The following ALK variants were observed in gnomAD, a reference collection of about 807,000 sequenced individuals.
The protein encoded by ALK is ALK receptor tyrosine kinase.
ALK carries 74 observed loss-of-function variants against 163.1 expected under a neutral mutation model. That is an observed-to-expected ratio of 0.45 (90% CI 0.38 to 0.55). The LOEUF is 0.55. ALK is among the 20% of genes least tolerant of loss of function. The probability of loss-of-function intolerance (pLI) is 0.00; values close to 1 mark genes in which losing one functional copy is unlikely to be tolerated. For synonymous variants in ALK, 960 were observed against 843.2 expected (o/e 1.14, Z -2.40); for missense variants, 2,063 against 2,105.3 (o/e 0.98, Z 0.39).
intron 4 of ALK, among the ~76,000 whole-genome samples, chr2:29,476,172 T>C (rs576740286): frequency 6.6e-6 from 1 of 152,284 alleles, no homozygotes; most frequent in African/African-American, 2.4e-5. Flanking sequence ...ACCCAGCCTT[T>C]AGCTGCCAAC....
chr2:29,489,162 T>C (rs1297981494), intron 4 of ALK, among the ~76,000 whole-genome samples: 2 of 152,236 alleles, frequency 1.3e-5, no homozygotes, highest in African/African-American at 4.8e-5. Context: ...TATGCATTTC[T>C]TAAAACAAGG....
chr2:29,728,278 G>T (rs771904402), intron 1 of ALK, among the ~76,000 whole-genome samples: 39 of 152,232 alleles, frequency 2.6e-4, no homozygotes, highest in Non-Finnish European at 4.0e-4. Flanking sequence ...AGGAACTGAG[G>T]CTCAGAGAGG....
At chr2:29,627,361 C>T (rs1332497660) in intron 3 of ALK, among the ~76,000 whole-genome samples, 1 of 152,156 alleles carries the variant, frequency 6.6e-6, no homozygotes, top group Non-Finnish European at 1.5e-5. Context: ...GCCTGCTCAC[C>T]ACTCCCTCTC....
At chr2:29,779,373 A>ACACC (rs1413661598) in intron 1 of ALK, among the ~76,000 whole-genome samples, 1 of 152,118 alleles carries the variant, frequency 6.6e-6, no homozygotes, top group African/African-American at 2.4e-5. Context: ...TTCTCCAAGG[A>ACACC]CACCCTTCAT....
chr2:29,226,376 G>C (rs967728112), intron 18 of ALK, among the ~76,000 whole-genome samples: 8 of 151,496 alleles, frequency 5.3e-5, no homozygotes, highest in Non-Finnish European at 8.8e-5. Context: ...TACTCAGGAG[G>C]CTGAGGCAGA....
At chr2:29,391,005 C>T (rs1028227480) in intron 4 of ALK, among the ~76,000 whole-genome samples, 5 of 152,060 alleles carry the variant, frequency 3.3e-5, no homozygotes, top group Non-Finnish European at 7.4e-5. Flanking sequence ...AATGGCCCAG[C>T]GTGGAGAAGA....
intron 3 of ALK, among the ~76,000 whole-genome samples, chr2:29,556,665 T>G (rs1454394802): frequency 6.6e-6 from 1 of 152,222 alleles, no homozygotes; most frequent in African/African-American, 2.4e-5. Context: ...CTATTGATTT[T>G]AGTGGGGCCT....
intron 4 of ALK, among the ~76,000 whole-genome samples, chr2:29,517,433 G>C (rs1011361445): frequency 3.3e-5 from 5 of 152,114 alleles, no homozygotes; most frequent in Admixed American, 2.6e-4. Flanking sequence ...ACTGTGCTAA[G>C]AGCTTTCATC....
intron 3 of ALK, among the ~76,000 whole-genome samples, chr2:29,584,286 C>T (rs562691661): frequency 1.3e-5 from 2 of 152,230 alleles, no homozygotes; most frequent in East Asian, 3.9e-4. Flanking sequence ...ACGATGTTCC[C>T]CTAATTTTAA....
intron 1 of ALK, among the ~76,000 whole-genome samples, chr2:29,764,754 T>A: frequency 6.6e-6 from 1 of 152,236 alleles, no homozygotes; most frequent in South Asian, 2.1e-4. Flanking sequence ...AAGGTTGCTA[T>A]ATCATGTTAA....
intron 3 of ALK, among the ~76,000 whole-genome samples, chr2:29,669,007 A>G (rs1677602603): frequency 6.6e-6 from 1 of 152,122 alleles, no homozygotes; most frequent in East Asian, 1.9e-4. Context: ...CCCATGACAC[A>G]TGGGAATTAT....
chr2:29,623,888 T>A (rs568100395), intron 3 of ALK, among the ~76,000 whole-genome samples: 1 of 152,254 alleles, frequency 6.6e-6, no homozygotes, highest in South Asian at 2.1e-4. Context: ...AAACGTCTAT[T>A]TGTAAAGCAT....
intron 15 of ALK, 48 bp downstream of exon 15, chr2:29,232,256 G>A: frequency 6.2e-7 from 1 of 1,612,558 alleles, no homozygotes; most frequent in Non-Finnish European, 8.5e-7. Context: ...GGGCCCAGCT[G>A]AAGGCCTGGG....
intron 3 of ALK, among the ~76,000 whole-genome samples, chr2:29,668,430 C>A (rs1266379359): frequency 1.3e-5 from 2 of 151,884 alleles, no homozygotes; most frequent in Non-Finnish European, 2.9e-5. Flanking sequence ...TGTCATATCC[C>A]ATAGATTTTG....
intron 8 of ALK, among the ~76,000 whole-genome samples, chr2:29,311,433 G>A (rs534714970): frequency 2.0e-5 from 3 of 152,312 alleles, no homozygotes; most frequent in South Asian, 2.1e-4. Flanking sequence ...GGCAAACAGG[G>A]TGTAGCTTCC....
At chr2:29,894,152 G>C (rs1667213442) in intron 1 of ALK, among the ~76,000 whole-genome samples, 1 of 152,176 alleles carries the variant, frequency 6.6e-6, no homozygotes, top group Non-Finnish European at 1.5e-5. Context: ...AACCCAGAGA[G>C]AACTTGGCTG....
At chr2:29,298,168 T>A (rs1020175816) in intron 8 of ALK, among the ~76,000 whole-genome samples, 3 of 152,194 alleles carry the variant, frequency 2.0e-5, no homozygotes, top group African/African-American at 7.2e-5. Context: ...CACCAGGGCA[T>A]TGGGGCCCCC....
chr2:29,202,247 T>C (rs144830870), intron 26 of ALK, among the ~76,000 whole-genome samples: 30 of 152,328 alleles, frequency 2.0e-4, no homozygotes, highest in African/African-American at 7.2e-4. Flanking sequence ...TTCTTTCAGG[T>C]ATTGAAGTTA....
intron 1 of ALK, among the ~76,000 whole-genome samples, chr2:29,831,718 T>C (rs1042145565): frequency 3.9e-5 from 6 of 152,202 alleles, no homozygotes; most frequent in African/African-American, 1.4e-4. Context: ...TAGGCTATAG[T>C]TTCTCCAGAT....
Sources: allele counts gnomAD v4.1 joint callset (sites outside exome capture counted in the v4.1 genomes callset), GRCh38; gene constraint gnomAD v4.1.1; transcripts MANE v1.5; gene names NCBI Gene and HGNC (gene_info 2026-07-23, HGNC 2026-07-21).